The following KIF17 variants were observed in gnomAD, a reference collection of about 807,000 sequenced individuals.
KIF17 encodes the protein kinesin family member 17.
KIF17 carries 80 observed loss-of-function variants against 96.8 expected under a neutral mutation model. The ratio of observed to expected loss-of-function variants is 0.83; its 90% confidence interval spans 0.69 to 1.00. The LOEUF is 1.00. KIF17 is among the 50% of genes least tolerant of loss of function. The pLI is 0.00. For missense variants in KIF17, 1,280 were observed against 1,372.9 expected (o/e 0.93, Z 1.07); for synonymous variants, 567 against 587.5 (o/e 0.97, Z 0.51).
chr1:20,683,213 C>T (rs1224028140), intron 10 of KIF17, among the ~76,000 whole-genome samples: 1 of 152,236 alleles, frequency 6.6e-6, no homozygotes, highest in Non-Finnish European at 1.5e-5. Flanking sequence ...TCTAAGGCCA[C>T]TGGCATGATG....
Position 20,715,618 on chromosome 1 carries a change from C to T in KIF17, c.253G>A (p.Gly85Ser). The change falls in exon 2 of 15, where the codon GGC (glycine) becomes AGC (serine). Residue 85 changes from glycine to serine, a missense_variant. By Grantham distance (56) the Gly-to-Ser change is moderately conservative (BLOSUM62 0). Transcript: ENST00000400463. The part of the protein sequence containing the change: ...LVEGVTEGYN[G>S]TIFAYGQTGS... ...GTCTGGCCGTAGGCAAAGATGGTGCCATTGTAGCCCTCAGTGACGCCCTGC... is the reference window on the plus strand; with the variant it reads ...GTCTGGCCGTAGGCAAAGATGGTGCTATTGTAGCCCTCAGTGACGCCCTGC... 1 of 1,613,416 alleles carries T rather than the reference C, an allele frequency of 6.2e-7. No individual in the cohort carries two copies. The highest frequency in any genetic ancestry group is 8.5e-7 in the Non-Finnish European group (1 of 1,179,694).
In KIF17 at chr1:20,712,561, T is replaced by TATATATATAGATAATATTATCTATATA. The variant is rs1491267376; in HGVS notation, c.480+866_480+892dup. On this transcript the variant is annotated intron_variant, in intron 3 of 14. Transcript: ENST00000400463. ...TCTATATTATAGATATTATCTATAT[T>TATATATATAGATAATATTATCTATATA]ATATATATAGATAATATTATCTATA... 7.4e-4 allele frequency among the ~76,000 whole-genome samples: 45 copies of TATATATATAGATAATATTATCTATATA among 60,420 alleles called. 12 individuals are homozygous for TATATATATAGATAATATTATCTATATA. Among genetic ancestry groups the TATATATATAGATAATATTATCTATATA allele is most frequent in the Admixed American group, 1.0e-3 (5 of 4,820 alleles). The allele number at this position is 60,420 out of a possible 152,430, so 39.6% of individuals were successfully genotyped here. A position where few individuals can be genotyped will look rare whatever the true frequency, so the allele number is the denominator to read the frequency against.
In KIF17 at chr1:20,699,579, T is replaced by C. The variant is rs2154536903; in HGVS notation, c.1124-1091A>G. Among the ~76,000 whole-genome samples, 1 of 152,112 alleles carries C rather than the reference T, an allele frequency of 6.6e-6. No individual in the cohort carries two copies. The highest frequency in any genetic ancestry group is 6.6e-5 in the Admixed American group (1 of 15,266). On this transcript the variant is annotated intron_variant, in intron 5 of 14. Transcript: ENST00000400463. This position sits in a 1 kb window ranked among gnomAD's most constrained non-coding sequence, Gnocchi z 4.3. ...AGACTCCGTCTCAAAAATAAATAAA[T>C]AAATAGCTTATTTATTGAAGGCCTT... is the stretch of plus-strand genomic sequence containing the variant.
In KIF17 at chr1:20,687,982, T is replaced by C; in HGVS notation, c.1382-38A>G. ...GAACTTCCTTCAGGTTTTTAAAGGGTCAGAATGAGAGACCCTTCCCTAGAA... is the reference window on the plus strand; with the variant it reads ...GAACTTCCTTCAGGTTTTTAAAGGGCCAGAATGAGAGACCCTTCCCTAGAA... On this transcript the variant is annotated intron_variant, in intron 7 of 14. Coordinates refer to ENST00000400463, the MANE Select transcript of KIF17 (RefSeq NM_001122819.3). This position sits in a 1 kb window ranked among gnomAD's most constrained non-coding sequence, Gnocchi z 4.4. 1 of 1,573,020 alleles carries C rather than the reference T, an allele frequency of 6.4e-7. No homozygotes were observed. The highest frequency in any genetic ancestry group is 8.7e-7 in the Non-Finnish European group (1 of 1,143,716).
At chr1:20,701,149 C>G (rs188288563) in intron 5 of KIF17, among the ~76,000 whole-genome samples, 1 of 152,212 alleles carries the variant, frequency 6.6e-6, no homozygotes, top group African/African-American at 2.4e-5. Flanking sequence ...AATTAAGACA[C>G]GAGGCCAGGC....
Position 20,687,487 on chromosome 1 carries a change from C to T in KIF17, c.1839G>A (p.Gln613=). Residue 613 remains glutamine (Q), a synonymous_variant, in exon 8 of 15, where the codon CAG becomes CAA. Coordinates refer to ENST00000400463, the MANE Select transcript of KIF17 (RefSeq NM_001122819.3). This position sits in a 1 kb window ranked among gnomAD's most constrained non-coding sequence, Gnocchi z 4.4. Reference sequence around the variant, plus strand: ...TGGCTTCCACCTCGGCAAACGGGTCCTGCAGGCCTAGTAACCCCTGCAGGG... The same window carrying T: ...TGGCTTCCACCTCGGCAAACGGGTCTTGCAGGCCTAGTAACCCCTGCAGGG... ...EVPLQGLLGL[Q]DPFAEVEAKL... 3.1e-6 allele frequency: 5 copies of T among 1,613,938 alleles called. No individual in the cohort carries two copies. Among genetic ancestry groups the T allele is most frequent in the Non-Finnish European group, 4.2e-6 (5 of 1,179,942 alleles).
At chr1:20,674,161 T>C (rs2053696338) in intron 11 of KIF17, among the ~76,000 whole-genome samples, 1 of 152,222 alleles carries the variant, frequency 6.6e-6, no homozygotes, top group Non-Finnish European at 1.5e-5. Flanking sequence ...GTTCCTGGCC[T>C]CAAGCAGTCT....
chr1:20,680,850 A>G (rs1315296292), intron 11 of KIF17, among the ~76,000 whole-genome samples: 1 of 151,662 alleles, frequency 6.6e-6, no homozygotes, highest in Admixed American at 6.6e-5. Flanking sequence ...AAGGCCAGGC[A>G]TGGTGGCTCA....
intron 1 of KIF17, 97 bp from the exon 2 acceptor site, chr1:20,715,736 G>C: frequency 7.0e-7 from 1 of 1,431,850 alleles, no homozygotes; most frequent in Non-Finnish European, 9.7e-7. Context: ...GCCCTTCCTG[G>C]TCCCCCCACC....
chr1:20,708,225 C>T (rs2054377013), intron 4 of KIF17, among the ~76,000 whole-genome samples: 1 of 152,190 alleles, frequency 6.6e-6, no homozygotes, highest in African/African-American at 2.4e-5. Context: ...ATCCCCGGGA[C>T]ACTCAGACTC....
In KIF17 at chr1:20,712,606, A is replaced by ATATATAATATAGATAATAT. The variant is rs1557606332; in HGVS notation, c.480+847_480+848insATATTATCTATATTATATA. ...TCTATATATATATCTATATATATCT[A>ATATATAATATAGATAATAT]TATATATATAATATAGATAATATCT... On this transcript the variant is annotated intron_variant, in intron 3 of 14. Coordinates refer to ENST00000400463, the MANE Select transcript of KIF17 (RefSeq NM_001122819.3). Among the ~76,000 whole-genome samples, 48 of 11,492 alleles carry ATATATAATATAGATAATAT rather than the reference A, an allele frequency of 4.2e-3. 20 individuals carry two copies. The highest frequency in any genetic ancestry group is 1.0e-2 in the Non-Finnish European group (38 of 3,804). The allele number at this position is 11,492 out of a possible 152,430, so 7.5% of individuals were successfully genotyped here.
At position 20,679,347 on chromosome 1, in the gene KIF17, G is replaced by A. The variant is rs918688001; in HGVS notation, c.2463+3306C>T. On this transcript the variant is annotated intron_variant, in intron 11 of 14. Transcript: ENST00000400463. The stretch of plus-strand genomic sequence containing the variant: ...ATAAAAAAATTAGCCAGGCGTGGTG[G>A]TGCATACCTGTAGTCCCAGCTACTC... Among the ~76,000 whole-genome samples the A allele has an allele frequency of 2.0e-5, 3 of 152,256 alleles. No homozygotes were observed. The East Asian group carries it at 5.8e-4, about 29-fold the overall frequency.
chr1:20,673,703 G>C (rs1001945394), intron 11 of KIF17, among the ~76,000 whole-genome samples: 1 of 151,660 alleles, frequency 6.6e-6, no homozygotes, highest in Non-Finnish European at 1.5e-5. Flanking sequence ...CTCATTTTTT[G>C]TATTTTTAGC....
chr1:20,684,810 G>A lies in KIF17; in HGVS notation c.2230C>T (p.Arg744Cys), dbSNP rs569249224. 8.3e-5 allele frequency: 131 copies of A among 1,573,990 alleles called. No individual in the cohort carries two copies. The highest frequency in any genetic ancestry group is 1.3e-4 in the South Asian group (11 of 86,148). Residue 744 changes from arginine to cysteine, a missense_variant and splice_region_variant, in exon 10 of 15, where the codon CGT becomes TGT. By Grantham distance (180) the Arg-to-Cys change is radical. Transcript: ENST00000400463. The part of the protein sequence containing the change: ...PVVDQQQVLA[R>C]LQLLEQQVVG... ...CCAGCCCCATGCTCTGCTGCTTACC[G>A]GGCCAGCACCTGCTGCTGGTCCACA...
intron 11 of KIF17, among the ~76,000 whole-genome samples, chr1:20,677,735 A>G (rs2154535439): frequency 6.6e-6 from 1 of 152,218 alleles, no homozygotes; most frequent in East Asian, 1.9e-4. Flanking sequence ...GCACGCCTGT[A>G]GTCCCAGCTA....
chr1:20,673,784 G>C (rs187025272), intron 11 of KIF17, among the ~76,000 whole-genome samples: 46 of 152,152 alleles, frequency 3.0e-4, no homozygotes, highest in African/African-American at 1.1e-3. Flanking sequence ...ACCCACCTCG[G>C]CCTCCCAAAG....
At chr1:20,706,722 C>T (rs1570476017) in intron 4 of KIF17, among the ~76,000 whole-genome samples, 1 of 150,960 alleles carries the variant, frequency 6.6e-6, no homozygotes, top group Non-Finnish European at 1.5e-5. Context: ...CCCGTCTCTA[C>T]AAAAAAAAGT....
Position 20,664,718 on chromosome 1 carries a change from T to C in KIF17, c.2953A>G (p.Asn985Asp). The C allele has an allele frequency of 6.2e-7, 1 of 1,612,352 alleles. No homozygotes were observed. Among genetic ancestry groups the C allele is most frequent in the Non-Finnish European group, 8.5e-7 (1 of 1,179,830 alleles). The change falls in exon 15 of 15, where the codon AAC becomes GAC. Residue 985 changes from asparagine to aspartate, a missense_variant. Asn to Asp is a conservative substitution (Grantham distance 23). Transcript: ENST00000400463. ...PPGLSCPLSN[N>D]SAIPPTQAPE... ...GCCTGGGTGGGTGGGATGGCAGAGT[T>C]GTTGCTGAGTGGGCAGCTGAGGCCT...
In KIF17 at chr1:20,690,352, G is replaced by GAA; in HGVS notation, c.1234-18_1234-17insTT. The stretch of plus-strand genomic sequence containing the variant: ...TTCATACTCCTGGGGGGGTGGGAGG[G>GAA]ACCAGAGGGCAGGCAGCATTTTATC... On this transcript the variant is annotated splice_polypyrimidine_tract_variant and intron_variant, in intron 6 of 14. Transcript: ENST00000400463. The GAA allele has an allele frequency of 2.2e-6, 1 of 451,174 alleles. No individual in the cohort carries two copies. 27.9% of individuals were successfully genotyped at this position (451,174 alleles called of 1,614,324 possible).
Sources: gnomAD v4.1 joint callset for allele counts (sites outside exome capture counted in the v4.1 genomes callset) on GRCh38, gnomAD v4.1.1 for gene constraint, Gnocchi (gnomAD v3.1) non-coding constraint, MANE v1.5 for transcripts, NCBI Gene and HGNC (gene_info 2026-07-23, HGNC 2026-07-21) for gene names.